The following LPP variants were observed in gnomAD, a reference collection of about 807,000 sequenced individuals.
LPP encodes the protein lipoma-preferred partner.
Under a neutral mutation model 60.4 loss-of-function variants are expected in LPP, and 38 were observed. The ratio of observed to expected loss-of-function variants is 0.63; its 90% confidence interval spans 0.49 to 0.83. The LOEUF is 0.83. Ranked by LOEUF, LPP falls within the 40% of genes least tolerant of loss-of-function variation. The probability of loss-of-function intolerance (pLI) is 0.00; values close to 1 mark genes in which losing one functional copy is unlikely to be tolerated. For synonymous variants in LPP, 328 were observed against 290.8 expected (o/e 1.13, Z -1.30); for missense variants, 902 against 783.6 (o/e 1.15, Z -1.80).
At chr3:188,194,806 G>A (rs911645786) in intron 1 of LPP, among the ~76,000 whole-genome samples, 6 of 152,290 alleles carry the variant, frequency 3.9e-5, no homozygotes, top group African/African-American at 1.2e-4. Flanking sequence ...TTTCATGTGA[G>A]TTTTACAATG....
At chr3:188,542,264 T>C (rs1343317645) in intron 6 of LPP, among the ~76,000 whole-genome samples, 1 of 152,204 alleles carries the variant, frequency 6.6e-6, no homozygotes, top group East Asian at 1.9e-4. Context: ...AATGACACAT[T>C]GTACATTAAA....
intron 6 of LPP, among the ~76,000 whole-genome samples, chr3:188,540,985 A>G (rs1254532165): frequency 6.6e-6 from 1 of 152,186 alleles, no homozygotes; most frequent in Admixed American, 6.5e-5. Context: ...GTCTTGTCCT[A>G]CCATCTGAAA....
chr3:188,479,081 G>GTCTTTACT (rs1305907241), intron 4 of LPP, among the ~76,000 whole-genome samples: 1 of 151,992 alleles, frequency 6.6e-6, no homozygotes, highest in African/African-American at 2.4e-5. Flanking sequence ...ATGAATAACC[G>GTCTTTACT]TCTTTACTTG....
At chr3:188,280,489 C>T (rs1302330370) in intron 2 of LPP, among the ~76,000 whole-genome samples, 1 of 152,020 alleles carries the variant, frequency 6.6e-6, no homozygotes, top group Admixed American at 6.6e-5. Flanking sequence ...TTTGAGGAAA[C>T]CCAGAAATCA....
intron 1 of LPP, among the ~76,000 whole-genome samples, chr3:188,203,535 T>TTTTTAAATATATA (rs1732061204): frequency 1.1e-5 from 1 of 95,224 alleles, no homozygotes; most frequent in African/African-American, 4.4e-5. Context: ...AAATATATAT[T>TTTTTAAATATATA]TAAATATATA....
Position 188,602,620 on chromosome 3 carries a change from A to G in LPP, c.430-6541A>G, listed in dbSNP as rs757755546. On this transcript the variant is annotated intron_variant, in intron 6 of 11. Coordinates refer to ENST00000617246, the MANE Select transcript of LPP (RefSeq NM_001375462.1). Reference sequence around the variant, plus strand: ...TACTCTTGGAATCACTGGATTTTTGAGAGTCAGAGTATCTTCTTTTATAGG... The same window carrying G: ...TACTCTTGGAATCACTGGATTTTTGGGAGTCAGAGTATCTTCTTTTATAGG... 1.6e-4 allele frequency among the ~76,000 whole-genome samples: 25 copies of G among 151,884 alleles called. 1 individual carries two copies. The highest frequency in any genetic ancestry group is 2.5e-4 in the Non-Finnish European group (17 of 67,980).
chr3:188,443,127 A>T (rs993962097), intron 4 of LPP, among the ~76,000 whole-genome samples: 1 of 152,192 alleles, frequency 6.6e-6, no homozygotes, highest in African/African-American at 2.4e-5. Context: ...TTTGTCTTCT[A>T]TGCTTTTATT....
At chr3:188,755,852 A>C (rs1730036826) in intron 8 of LPP, among the ~76,000 whole-genome samples, 3 of 112,248 alleles carry the variant, frequency 2.7e-5, no homozygotes, top group African/African-American at 1.0e-4. Flanking sequence ...AAAAAAAAAA[A>C]AAAAAAAAAA....
At chr3:188,757,376 A>G (rs1285990740) in intron 8 of LPP, among the ~76,000 whole-genome samples, 2 of 152,178 alleles carry the variant, frequency 1.3e-5, no homozygotes, top group African/African-American at 4.8e-5. Context: ...CGTTCCCTCT[A>G]AATCAGTGAT....
chr3:188,362,706 G>A (rs1192414055), intron 3 of LPP, among the ~76,000 whole-genome samples: 1 of 152,164 alleles, frequency 6.6e-6, no homozygotes, highest in African/African-American at 2.4e-5. Flanking sequence ...TGTGTGTATA[G>A]TGCCCATTGT....
At chr3:188,863,183 C>T (rs1045890176) in intron 9 of LPP, among the ~76,000 whole-genome samples, 1 of 152,030 alleles carries the variant, frequency 6.6e-6, no homozygotes, top group Non-Finnish European at 1.5e-5. Flanking sequence ...GTTGTTAATA[C>T]TGATTTATCA....
intron 6 of LPP, among the ~76,000 whole-genome samples, chr3:188,580,019 C>T (rs1835701043): frequency 6.6e-6 from 1 of 151,894 alleles, no homozygotes; most frequent in African/African-American, 2.4e-5. Context: ...TAAGCAAATA[C>T]ACACACACAA....
At chr3:188,738,686 T>C (rs926534331) in intron 8 of LPP, among the ~76,000 whole-genome samples, 2 of 152,204 alleles carry the variant, frequency 1.3e-5, no homozygotes, top group African/African-American at 4.8e-5. Flanking sequence ...CTAAGTGTCC[T>C]TTAATTCTTA....
rs7612848 is a variant in LPP at position 188,838,798 on chromosome 3, T to C, written c.1411-27402T>C. Among the ~76,000 whole-genome samples the C allele has an allele frequency of 5.0e-3, 754 of 151,720 alleles. 4 individuals carry two copies. Among genetic ancestry groups the C allele is most frequent in the African/African-American group, 0.017 (708 of 41,358 alleles). ...ACATGTTCTCACTCAGAAGTGAGAG[T>C]TGAACAATGAAAACACATGGACACA... On this transcript the variant is annotated intron_variant, in intron 9 of 11. Transcript: ENST00000617246.
At chr3:188,721,813 C>T (rs745976310) in intron 8 of LPP, among the ~76,000 whole-genome samples, 1 of 152,130 alleles carries the variant, frequency 6.6e-6, no homozygotes, top group Non-Finnish European at 1.5e-5. Flanking sequence ...CACTGAGAGG[C>T]ATTGCCGGCC....
chr3:188,575,640 T>C (rs1834446594), intron 6 of LPP, among the ~76,000 whole-genome samples: 1 of 152,154 alleles, frequency 6.6e-6, no homozygotes, highest in South Asian at 2.1e-4. Flanking sequence ...CTCAAACCCT[T>C]AGTCTTTGTG....
At chr3:188,507,033 G>T (rs1016303089) in intron 5 of LPP, among the ~76,000 whole-genome samples, 3 of 151,850 alleles carry the variant, frequency 2.0e-5, no homozygotes, top group East Asian at 3.9e-4. Flanking sequence ...TCCTGGCCTC[G>T]TGGTCCACCT....
intron 2 of LPP, among the ~76,000 whole-genome samples, chr3:188,330,863 A>G (rs6803543): frequency 0.14 from 510 of 3,642 alleles, 2 homozygotes; most frequent in Middle Eastern, 0.3. Flanking sequence ...AAGTAAGTAA[A>G]TAAATAAATA....
rs1048024839 is a variant in LPP, at chr3:188,352,735, C to T, written c.-10+11016C>T. The stretch of plus-strand genomic sequence containing the variant: ...CACGGCACTGAGCCCTGCCTGAGTG[C>T]GCACTTCAGTCCTGAAAGCTGCAGA... On this transcript the variant is annotated intron_variant, in intron 3 of 11. Coordinates refer to ENST00000617246, the MANE Select transcript of LPP (RefSeq NM_001375462.1). The surrounding 1 kb of genome is among the most constrained non-coding windows in gnomAD (Gnocchi z 4.4). Among the ~76,000 whole-genome samples the T allele has an allele frequency of 2.6e-5, 4 of 152,130 alleles. No homozygotes were observed. Among genetic ancestry groups the T allele is most frequent in the Admixed American group, 2.0e-4 (3 of 15,264 alleles).
Sources: allele counts gnomAD v4.1 joint callset (sites outside exome capture counted in the v4.1 genomes callset), GRCh38; gene constraint gnomAD v4.1.1; non-coding constraint Gnocchi (gnomAD v3.1); transcripts MANE v1.5; gene names NCBI Gene and HGNC (gene_info 2026-07-23, HGNC 2026-07-21).